ACOT11: variants seen among roughly 807,000 people sequenced by gnomAD.
ACOT11 encodes the protein acyl-coenzyme A thioesterase 11.
Under a neutral mutation model 77.5 loss-of-function variants are expected in ACOT11, and 69 were observed. That is an observed-to-expected ratio of 0.89 (90% CI 0.73 to 1.09). The LOEUF is 1.09. Among genes scored for constraint, ACOT11 ranks in the 50% least tolerant of loss-of-function variants. The probability of loss-of-function intolerance (pLI) is 0.00; values close to 1 mark genes in which losing one functional copy is unlikely to be tolerated. For missense variants in ACOT11, 766 were observed against 813.7 expected (o/e 0.94, Z 0.71); for synonymous variants, 279 against 313.0 (o/e 0.89, Z 1.15).
At position 54,609,765 on chromosome 1, in the gene ACOT11, G is replaced by A. The variant is rs1335941174; in HGVS notation, c.*653G>A. On this transcript the variant is annotated 3_prime_UTR_variant, in exon 16 of 16. Coordinates refer to ENST00000343744, the MANE Select transcript of ACOT11 (RefSeq NM_147161.4). ...GCCAGCAAGGCCAGGGATGGCCGGAGGGCTGCGGGCTCCGCTATTTGCAAA... is the reference window on the plus strand; with the variant it reads ...GCCAGCAAGGCCAGGGATGGCCGGAAGGCTGCGGGCTCCGCTATTTGCAAA... The A allele has an allele frequency of 6.2e-7, 1 of 1,614,066 alleles. No individual in the cohort carries two copies. The highest frequency in any genetic ancestry group is 8.5e-7 in the Non-Finnish European group (1 of 1,180,030).
intron 10 of ACOT11, 80 bp from the exon 11 acceptor site, chr1:54,603,791 A>G (rs1643992364): frequency 2.2e-6 from 3 of 1,357,070 alleles, no homozygotes; most frequent in Non-Finnish European, 3.2e-6. Flanking sequence ...AGGGCCTAGC[A>G]CAGAGTAGGC....
At position 54,609,388 on chromosome 1, in the gene ACOT11, G is replaced by C. The variant is rs146179147; in HGVS notation, c.*276G>C. On this transcript the variant is annotated 3_prime_UTR_variant, in exon 16 of 16. Transcript: ENST00000343744. The stretch of plus-strand genomic sequence containing the variant: ...ATGCTGTCCTCACAGAGGCATAGTC[G>C]CCCCCAGCTGGGTTGTGCTCCACTG... 5.0e-6 allele frequency: 8 copies of C among 1,613,924 alleles called. No homozygotes were observed. Among genetic ancestry groups the C allele is most frequent in the Non-Finnish European group, 5.1e-6 (6 of 1,180,024 alleles).
In ACOT11 at chr1:54,609,642, C is replaced by T; in HGVS notation, c.*530C>T. ...ACCTCAGCCACAGCTGTAAGCAGCT[C>T]TCTGCCAGCCACATGGCCGGGGACC... On this transcript the variant is annotated 3_prime_UTR_variant, in exon 16 of 16. Transcript: ENST00000343744. The T allele has an allele frequency of 6.2e-7, 1 of 1,613,926 alleles. No homozygotes were observed. The highest frequency in any genetic ancestry group is 8.5e-7 in the Non-Finnish European group (1 of 1,180,052).
At chr1:54,569,430 G>T (rs1340424045) in intron 1 of ACOT11, among the ~76,000 whole-genome samples, 1 of 152,116 alleles carries the variant, frequency 6.6e-6, no homozygotes, top group Non-Finnish European at 1.5e-5. Flanking sequence ...CAGGCCACAC[G>T]CAGCCTGGCC....
intron 16 of ACOT11, among the ~76,000 whole-genome samples, chr1:54,634,429 G>A (rs1644319139): frequency 6.6e-6 from 1 of 152,146 alleles, no homozygotes; most frequent in Non-Finnish European, 1.5e-5. Flanking sequence ...GGTATTGACT[G>A]CTTTTGATAT....
At chr1:54,581,773 C>T (rs991898241) in intron 1 of ACOT11, among the ~76,000 whole-genome samples, 1 of 152,188 alleles carries the variant, frequency 6.6e-6, no homozygotes, top group African/African-American at 2.4e-5. Flanking sequence ...GGCCTCTCCT[C>T]TCCCTATGAC....
Position 54,609,738 on chromosome 1 carries a change from G to A in ACOT11, c.*626G>A, listed in dbSNP as rs766306986. ...TGCAAGAGGCCAAGGCTGGAGAGGC[G>A]TGCCAGCAAGGCCAGGGATGGCCGG... On this transcript the variant is annotated 3_prime_UTR_variant, in exon 16 of 16. Coordinates refer to ENST00000343744, the MANE Select transcript of ACOT11 (RefSeq NM_147161.4). The A allele has an allele frequency of 1.0e-4, 161 of 1,614,176 alleles. 1 individual carries two copies. In the East Asian group the frequency reaches 2.0e-3, roughly 20 times the overall value.
Position 54,599,283 on chromosome 1 carries a change from C to A in ACOT11, c.765-13C>A. On this transcript the variant is annotated splice_polypyrimidine_tract_variant and intron_variant, in intron 7 of 15. Transcript: ENST00000343744. ...GGGGCATTCCTTCTGTCTCCCCACC[C>A]CTGCCTCCTCAGCCGGCTCTGCCGT... The A allele has an allele frequency of 3.3e-6, 5 of 1,532,860 alleles. No homozygotes were observed. Among genetic ancestry groups the A allele is most frequent in the Non-Finnish European group, 4.4e-6 (5 of 1,133,886 alleles). The allele number at this position is 1,532,860 out of a possible 1,614,324, so 95.0% of individuals were successfully genotyped here.
At chr1:54,619,892 G>T in intron 15 of ACOT11, 2 of 1,614,110 alleles carry the variant, frequency 1.2e-6, no homozygotes, top group Non-Finnish European at 1.7e-6. Flanking sequence ...TGGCTTTCTT[G>T]CTGTTGGCTG....
At chr1:54,630,982 G>C (rs1021853470) in intron 16 of ACOT11, 3 of 532,650 alleles carry the variant, frequency 5.6e-6, no homozygotes, top group South Asian at 2.9e-5. Context: ...CACTGATAAC[G>C]AGGAGGAACA....
chr1:54,573,655 CCCCGGAGG>C (rs2100965118), intron 1 of ACOT11, among the ~76,000 whole-genome samples: 1 of 152,336 alleles, frequency 6.6e-6, no homozygotes, highest in South Asian at 2.1e-4. Context: ...ATAGCTTGAA[CCCCGGAGG>C]TGGAGGTTGC....
At chr1:54,605,573 G>A (rs1462466888) in intron 13 of ACOT11, among the ~76,000 whole-genome samples, 4 of 152,100 alleles carry the variant, frequency 2.6e-5, no homozygotes, top group Admixed American at 1.3e-4. Flanking sequence ...ACCATGTGCT[G>A]TGGAGTTCTG....
At position 54,623,431 on chromosome 1, in the gene ACOT11, C is replaced by A. The variant is rs576301479; in HGVS notation, c.1630-7303C>A. On this transcript the variant is annotated intron_variant, in intron 15 of 16. Coordinates refer to the ACOT11 transcript ENST00000371316. Reference sequence around the variant, plus strand: ...TCTGGGGAATGCCCCCAACTCCGTGCGGCCCAGAGTCCCTGAGGCTCCCTG... The same window carrying A: ...TCTGGGGAATGCCCCCAACTCCGTGAGGCCCAGAGTCCCTGAGGCTCCCTG... 178 of 1,522,752 alleles carry A rather than the reference C, an allele frequency of 1.2e-4. 3 individuals are homozygous for A. In the South Asian group the frequency reaches 1.9e-3, roughly 16 times the overall value. 94.3% of individuals were successfully genotyped at this position (1,522,752 alleles called of 1,614,324 possible).
intron 1 of ACOT11, among the ~76,000 whole-genome samples, chr1:54,581,323 C>T (rs569893190): frequency 6.6e-6 from 1 of 152,004 alleles, no homozygotes; most frequent in East Asian, 1.9e-4. Context: ...GTTTCCAGCC[C>T]CAGTAGCCTG....
Position 54,584,801 on chromosome 1 carries a change from A to G in ACOT11, c.180A>G (p.Gln60=). 1 of 1,614,014 alleles carries G rather than the reference A, an allele frequency of 6.2e-7. No homozygotes were observed. The highest frequency in any genetic ancestry group is 1.1e-5 in the South Asian group (1 of 91,068). Residue 60 remains glutamine, a synonymous_variant, in exon 2 of 16, where the codon CAA becomes CAG. Transcript: ENST00000343744. The surrounding 1 kb of genome is among the most constrained non-coding windows in gnomAD (Gnocchi z 6.3). Reference sequence around the variant, plus strand: ...TGGTGCTGCCCTGCCACACCAACCAACGTGGTGAGCTGAGCGTCGGGCAGC... The same window carrying G: ...TGGTGCTGCCCTGCCACACCAACCAGCGTGGTGAGCTGAGCGTCGGGCAGC... ...SQLVLPCHTN[Q]RGELSVGQLL...
chr1:54,593,895 G>A (rs574289597), intron 4 of ACOT11, 46 bp from the exon 5 acceptor site: 1 of 1,540,114 alleles, frequency 6.5e-7, no homozygotes, highest in East Asian at 2.3e-5. Context: ...TAACTGGTGA[G>A]TGCAATGTTG....
intron 10 of ACOT11, 84 bp from the exon 11 acceptor site, chr1:54,603,787 T>C: frequency 7.5e-7 from 1 of 1,332,742 alleles, no homozygotes. Context: ...GCACAGGGCC[T>C]AGCACAGAGT....
chr1:54,604,052 C>T (rs1016915317), intron 11 of ACOT11, 115 bp downstream of exon 11: 13 of 958,092 alleles, frequency 1.4e-5, no homozygotes, highest in Non-Finnish European at 2.0e-5. Context: ...GAATGACACG[C>T]CTCATGATTG....
chr1:54,554,723 G>A (rs1653201652), intron 1 of ACOT11, among the ~76,000 whole-genome samples: 1 of 152,080 alleles, frequency 6.6e-6, no homozygotes, highest in Non-Finnish European at 1.5e-5. Context: ...ATTGTGAAGA[G>A]TGCTGCAATA....
Sources: allele counts gnomAD v4.1 joint callset (sites outside exome capture counted in the v4.1 genomes callset), GRCh38; gene constraint gnomAD v4.1.1; non-coding constraint Gnocchi (gnomAD v3.1); transcripts MANE v1.5; gene names NCBI Gene and HGNC (gene_info 2026-07-23, HGNC 2026-07-21).